Variants in SNTG2 observed in about 807,000 individuals in gnomAD.
SNTG2 encodes gamma-2-syntrophin.
A neutral mutation model predicts 70.9 loss-of-function variants in SNTG2; 74 were observed. That is an observed-to-expected ratio of 1.04 (90% CI 0.86 to 1.27). The LOEUF is 1.27. Among genes scored for constraint, SNTG2 ranks in the 50% most tolerant of loss-of-function variants. The pLI is 0.00. For missense variants in SNTG2, 717 were observed against 690.7 expected (o/e 1.04, Z -0.43); for synonymous variants, 278 against 273.8 (o/e 1.02, Z -0.15).
At chr2:1,332,787 G>T (rs1659601585) in intron 16 of SNTG2, among the ~76,000 whole-genome samples, 1 of 152,082 alleles carries the variant, frequency 6.6e-6, no homozygotes, top group Non-Finnish European at 1.5e-5. Flanking sequence ...AGTAAAATCA[G>T]CATAGAAAGG....
intron 4 of SNTG2, among the ~76,000 whole-genome samples, chr2:1,114,636 GA>G (rs1209269000): frequency 1.3e-5 from 2 of 152,084 alleles, no homozygotes; most frequent in African/African-American, 4.8e-5. Flanking sequence ...AGTCCTTTGA[GA>G]AGGATCTTCT....
At chr2:1,136,299 GAGAC>G (rs1668379629) in intron 4 of SNTG2, among the ~76,000 whole-genome samples, 3 of 151,850 alleles carry the variant, frequency 2.0e-5, no homozygotes, top group Admixed American at 6.6e-5. Flanking sequence ...GAAGAACTGA[GAGAC>G]AGAGATAGAA....
chr2:1,064,496 G>T (rs1210056035), intron 1 of SNTG2, among the ~76,000 whole-genome samples: 1 of 151,268 alleles, frequency 6.6e-6, no homozygotes, highest in Non-Finnish European at 1.5e-5. Flanking sequence ...ACTACATTTG[G>T]GGGCTTATAG....
intron 6 of SNTG2, among the ~76,000 whole-genome samples, chr2:1,164,024 T>C (rs1205565194): frequency 2.0e-5 from 3 of 152,192 alleles, no homozygotes; most frequent in Non-Finnish European, 4.4e-5. Flanking sequence ...AGGTAGGCAA[T>C]GACGGGCATG....
Position 1,184,170 on chromosome 2 carries a change from A to G in SNTG2, c.591+10987A>G, listed in dbSNP as rs1198753795. ...TAGAAAGAAGGGGTCAGAATTGGAG[A>G]ATTGTACATTAATCCAGGAGTTCAG... On this transcript the variant is annotated intron_variant, in intron 8 of 16. Coordinates refer to ENST00000308624, the MANE Select transcript of SNTG2 (RefSeq NM_018968.4). 2.0e-5 allele frequency among the ~76,000 whole-genome samples: 3 copies of G among 152,232 alleles called. No individual in the cohort carries two copies. In the East Asian group the frequency reaches 5.8e-4, roughly 29 times the overall value.
rs73908685 is a variant in SNTG2, at chr2:1,079,019, A to G, written c.73-4499A>G. 3.1e-3 allele frequency among the ~76,000 whole-genome samples: 471 copies of G among 152,358 alleles called. 4 individuals are homozygous for G. The highest frequency in any genetic ancestry group is 0.011 in the African/African-American group (458 of 41,584). On this transcript the variant is annotated intron_variant, in intron 1 of 16. Coordinates refer to ENST00000308624, the MANE Select transcript of SNTG2 (RefSeq NM_018968.4). Reference sequence around the variant, plus strand: ...GGAAAGACTCAAAGTTTACTTTTGAAGAAGTTGAGTTGGAATAACTATTTT... The same window carrying G: ...GGAAAGACTCAAAGTTTACTTTTGAGGAAGTTGAGTTGGAATAACTATTTT...
At chr2:1,207,812 T>C (rs1673741694) in intron 8 of SNTG2, among the ~76,000 whole-genome samples, 1 of 152,168 alleles carries the variant, frequency 6.6e-6, no homozygotes, top group Non-Finnish European at 1.5e-5. Flanking sequence ...AGGGACATTA[T>C]TTTTGGGCAG....
At chr2:1,267,020 C>T (rs1678776896) in intron 13 of SNTG2, among the ~76,000 whole-genome samples, 1 of 152,188 alleles carries the variant, frequency 6.6e-6, no homozygotes, top group Non-Finnish European at 1.5e-5. Context: ...ATCCACCCAC[C>T]TTAGTCTCCC....
intron 7 of SNTG2, among the ~76,000 whole-genome samples, chr2:1,168,935 C>T (rs560073084): frequency 2.0e-5 from 3 of 152,252 alleles, no homozygotes; most frequent in East Asian, 1.9e-4. Flanking sequence ...ATGTCACACG[C>T]GGCACAGTGG....
intron 4 of SNTG2, among the ~76,000 whole-genome samples, chr2:1,113,791 A>G (rs934388460): frequency 2.0e-5 from 3 of 151,796 alleles, no homozygotes; most frequent in African/African-American, 7.3e-5. Flanking sequence ...TCCTGTGAGG[A>G]GAATCGTGTG....
At chr2:1,292,429 C>T (rs910289048) in intron 14 of SNTG2, among the ~76,000 whole-genome samples, 2 of 152,066 alleles carry the variant, frequency 1.3e-5, no homozygotes, top group Admixed American at 6.6e-5. Flanking sequence ...TGTTCCTGAT[C>T]TTAAAGAAAA....
intron 1 of SNTG2, among the ~76,000 whole-genome samples, chr2:957,906 G>A (rs1363157746): frequency 6.6e-6 from 1 of 152,190 alleles, no homozygotes; most frequent in Non-Finnish European, 1.5e-5. Context: ...AGGAAGTGTT[G>A]TCATAGCAGC....
chr2:1,331,463 T>C (rs1659524848), intron 16 of SNTG2, among the ~76,000 whole-genome samples: 1 of 152,228 alleles, frequency 6.6e-6, no homozygotes, highest in African/African-American at 2.4e-5. Flanking sequence ...GTGGGGAATG[T>C]AGGAAATAAC....
rs576630461 is a variant in SNTG2, at chr2:1,075,834, A to C, written c.73-7684A>C. ...ATAAAGATAACCTGCCAGAAAAATGACTGAATTGTATTGGACCACTGCTGT... is the reference window on the plus strand; with the variant it reads ...ATAAAGATAACCTGCCAGAAAAATGCCTGAATTGTATTGGACCACTGCTGT... On this transcript the variant is annotated intron_variant, in intron 1 of 16. Transcript: ENST00000308624. Among the ~76,000 whole-genome samples the C allele has an allele frequency of 2.0e-5, 3 of 152,230 alleles. No individual in the cohort carries two copies. The South Asian group carries it at 6.2e-4, about 32-fold the overall frequency.
At chr2:1,266,126 GGA>G (rs1296491244) in intron 13 of SNTG2, among the ~76,000 whole-genome samples, 2 of 151,886 alleles carry the variant, frequency 1.3e-5, no homozygotes, top group East Asian at 3.9e-4. Flanking sequence ...TGACAGAAAT[GGA>G]GAGAGAGAAA....
intron 14 of SNTG2, among the ~76,000 whole-genome samples, chr2:1,294,018 A>G (rs1014799922): frequency 1.3e-5 from 2 of 152,230 alleles, no homozygotes; most frequent in African/African-American, 4.8e-5. Flanking sequence ...ACATGTGTTC[A>G]GGCTGGTCAC....
At chr2:1,157,196 CAG>C (rs1267673339) in intron 6 of SNTG2, among the ~76,000 whole-genome samples, 2 of 152,212 alleles carry the variant, frequency 1.3e-5, no homozygotes, top group Non-Finnish European at 1.5e-5. Context: ...CAGCACCCTG[CAG>C]AGTGGCCACC....
chr2:1,143,467 G>A (rs971184462), intron 6 of SNTG2, among the ~76,000 whole-genome samples: 16 of 151,924 alleles, frequency 1.1e-4, no homozygotes, highest in Non-Finnish European at 2.9e-5. Context: ...TCAGGAAAAT[G>A]GGAGCAGCTC....
chr2:1,209,062 C>T (rs1673859994), intron 8 of SNTG2, 41 bp from the exon 9 acceptor site: 4 of 1,608,624 alleles, frequency 2.5e-6, no homozygotes, highest in Middle Eastern at 1.8e-4. Flanking sequence ...ATGCAGCCTC[C>T]TCTGCCTCTG....
Sources: gnomAD v4.1 joint callset for allele counts (sites outside exome capture counted in the v4.1 genomes callset) on GRCh38, gnomAD v4.1.1 for gene constraint, MANE v1.5 for transcripts, NCBI Gene and HGNC (gene_info 2026-07-23, HGNC 2026-07-21) for gene names.